ZC3H12B: variants seen among roughly 807,000 people sequenced by gnomAD.
ZC3H12B encodes probable ribonuclease ZC3H12B.
ZC3H12B carries 7 observed loss-of-function variants against 43.9 expected under a neutral mutation model. That is an observed-to-expected ratio of 0.16 (90% confidence interval 0.09 to 0.30). The LOEUF (loss-of-function observed/expected upper bound fraction) is 0.30, where lower values mean the gene tolerates loss of function less well. Ranked by LOEUF, ZC3H12B falls within the 10% of genes least tolerant of loss-of-function variation. The probability of loss-of-function intolerance (pLI) is 1.00; values close to 1 mark genes in which losing one functional copy is unlikely to be tolerated. For missense variants in ZC3H12B, 475 were observed against 670.2 expected, an observed-to-expected ratio of 0.71 and a Z score of 3.22; for synonymous variants, 222 against 241.7, an observed-to-expected ratio of 0.92 and a Z score of 0.76.
the ZC3H12B span, among the ~76,000 whole-genome samples, chrX:65,307,742 A>G: frequency 8.9e-6 from 1 of 111,803 alleles, no homozygotes; most frequent in South Asian, 3.7e-4. Context: ...AGCTAAACAA[A>G]CCTATAGTAG....
chrX:65,327,623 G>A, the ZC3H12B span, among the ~76,000 whole-genome samples: 1 of 111,032 alleles, frequency 9.0e-6, no homozygotes, highest in Admixed American at 9.6e-5. Context: ...TGAACCTTTG[G>A]TATTAGGAAT....
chrX:65,473,268 G>A (rs890995855), intron 3 of ZC3H12B, among the ~76,000 whole-genome samples: 2 of 108,556 alleles, frequency 1.8e-5, no homozygotes, highest in Non-Finnish European at 3.8e-5. Context: ...CACCCACCTC[G>A]GCCTCCCAAA....
At chrX:65,290,280 T>C in the ZC3H12B span, among the ~76,000 whole-genome samples, 2,149 of 110,341 alleles carry the variant, frequency 0.019, 61 homozygotes, top group African/African-American at 0.067. Flanking sequence ...CCTAATAAGA[T>C]GTTATCTTAT....
exon 3 of ZC3H12B, chrX:65,499,186 G>A: frequency 8.3e-7 from 1 of 1,210,546 alleles, no homozygotes; most frequent in Non-Finnish European, 1.1e-6. Flanking sequence ...CAGAATGGAA[G>A]AAGTTTATAG....
rs768939608 is a variant in ZC3H12B at position 65,446,807 on chromosome X, C to T, written n.408-41839C>T. 2.7e-5 allele frequency among the ~76,000 whole-genome samples: 3 copies of T among 111,919 alleles called. No individual in the cohort carries two copies. In the South Asian group the frequency reaches 1.1e-3, roughly 42 times the overall value. ...CCCTTTCCTTCATATGATGTTAAAA[C>T]CAGGTACTGTGACCATTCACCTGAT... On this transcript the variant is annotated intron_variant and non_coding_transcript_variant, in intron 3 of 5. Transcript: ENST00000617377.
the ZC3H12B span, among the ~76,000 whole-genome samples, chrX:65,353,524 G>A: frequency 8.9e-6 from 1 of 112,257 alleles, no homozygotes; most frequent in Non-Finnish European, 1.9e-5. Context: ...ATTCAGCCAA[G>A]TTGTGAATGC....
At chrX:65,162,646 G>T in the ZC3H12B span, among the ~76,000 whole-genome samples, 10 of 111,392 alleles carry the variant, frequency 9.0e-5, no homozygotes, top group East Asian at 2.8e-4. Context: ...CTCTGTATTG[G>T]TTATTCTAGT....
chrX:65,374,141 C>CTA lies in ZC3H12B; in HGVS notation n.295+5150_295+5151dup, dbSNP rs1177477008. On this transcript the variant is annotated intron_variant and non_coding_transcript_variant, in intron 2 of 5. Transcript: ENST00000617377. ...ATAACTATATATAGTGTATATATAA[C>CTA]TATATATACAGTGTATATATATAGT... Among the ~76,000 whole-genome samples, 6 of 70,066 alleles carry CTA rather than the reference C, an allele frequency of 8.6e-5. No homozygotes were observed. In the East Asian group the frequency reaches 1.3e-3, roughly 15 times the overall value. The allele number at this position is 70,066 out of a possible 115,157, so 60.8% of individuals were successfully genotyped here.
chrX:65,242,668 C>G, the ZC3H12B span, among the ~76,000 whole-genome samples: 1 of 111,785 alleles, frequency 8.9e-6, no homozygotes, highest in South Asian at 3.7e-4. Flanking sequence ...CCAAAATATC[C>G]AGACCAATCC....
the ZC3H12B span, among the ~76,000 whole-genome samples, chrX:65,143,889 G>A: frequency 4.5e-5 from 5 of 110,861 alleles, no homozygotes; most frequent in African/African-American, 1.6e-4. Flanking sequence ...TGTTTTATAT[G>A]TTTTTGGATT....
At chrX:65,424,729 T>C (rs2067059853) in intron 3 of ZC3H12B, among the ~76,000 whole-genome samples, 2 of 112,096 alleles carry the variant, frequency 1.8e-5, no homozygotes, top group Middle Eastern at 4.6e-3. Flanking sequence ...AGGGAATCCT[T>C]TCCCCATTGC....
At chrX:65,347,903 G>A in the ZC3H12B span, among the ~76,000 whole-genome samples, 1 of 112,268 alleles carries the variant, frequency 8.9e-6, no homozygotes, top group Admixed American at 9.4e-5. Context: ...ATACCATGCA[G>A]CCATAAAAAA....
the ZC3H12B span, among the ~76,000 whole-genome samples, chrX:65,235,019 G>A: frequency 4.5e-5 from 5 of 111,539 alleles, no homozygotes; most frequent in South Asian, 1.9e-3. Context: ...AAAGGACATG[G>A]CCTTGTTCAT....
At chrX:65,306,442 G>A in the ZC3H12B span, among the ~76,000 whole-genome samples, 1 of 110,198 alleles carries the variant, frequency 9.1e-6, no homozygotes, top group Non-Finnish European at 1.9e-5. Context: ...GTGTGATCTC[G>A]GCTCACTACA....
the ZC3H12B span, among the ~76,000 whole-genome samples, chrX:65,074,577 C>A: frequency 8.9e-6 from 1 of 111,828 alleles, no homozygotes; most frequent in Non-Finnish European, 1.9e-5. Context: ...TATGTCTCTT[C>A]TTTTTCTTTT....
the ZC3H12B span, among the ~76,000 whole-genome samples, chrX:65,190,695 T>G: frequency 9.1e-6 from 1 of 110,261 alleles, no homozygotes; most frequent in African/African-American, 3.3e-5. Flanking sequence ...CAGGAGATTT[T>G]GGGCTGAGAC....
At chrX:65,229,100 A>G in the ZC3H12B span, among the ~76,000 whole-genome samples, 1 of 110,385 alleles carries the variant, frequency 9.1e-6, no homozygotes, top group Non-Finnish European at 1.9e-5. Flanking sequence ...AAAAGAACAA[A>G]GCTGGAGGCA....
chrX:65,394,350 C>T (rs1164596003), intron 2 of ZC3H12B, among the ~76,000 whole-genome samples: 1 of 112,495 alleles, frequency 8.9e-6, no homozygotes, highest in African/African-American at 3.2e-5. Context: ...ACATTTAAGT[C>T]TTTAATCCAT....
At chrX:65,093,215 G>T in the ZC3H12B span, among the ~76,000 whole-genome samples, 1 of 111,917 alleles carries the variant, frequency 8.9e-6, no homozygotes, top group Non-Finnish European at 1.9e-5. Context: ...GATTTCAGAA[G>T]ATGTATGGAA....
Sources: gnomAD v4.1 joint callset for allele counts (sites outside exome capture counted in the v4.1 genomes callset) on GRCh38, gnomAD v4.1.1 for gene constraint, MANE v1.5 for transcripts, NCBI Gene and HGNC (gene_info 2026-07-23, HGNC 2026-07-21) for gene names.